Variants in ARFGEF3 observed in about 807,000 individuals in gnomAD.
ARFGEF3 encodes ARFGEF family member 3.
In ARFGEF3, 96 loss-of-function variants were observed where a neutral mutation model predicts 221.7. The ratio of observed to expected loss-of-function variants is 0.43; its 90% confidence interval spans 0.37 to 0.51. The LOEUF is 0.51. Ranked by LOEUF, ARFGEF3 falls within the 20% of genes least tolerant of loss-of-function variation. ARFGEF3 has a pLI of 0.00. For synonymous variants in ARFGEF3, 1,145 were observed against 1,126.8 expected (o/e 1.02, Z -0.32); for missense variants, 2,410 against 2,789.9 (o/e 0.86, Z 3.07).
rs540319497 is a variant in ARFGEF3 at position 138,278,501 on chromosome 6, A to T, written c.2179A>T (p.Met727Leu). ...CGGGAATAGCAGCCTCAGCTTCCAGATGCTGATGAACGCAGACAGCCTCTA... is the reference window on the plus strand; with the variant it reads ...CGGGAATAGCAGCCTCAGCTTCCAGTTGCTGATGAACGCAGACAGCCTCTA... ...FDGNSSLSFQ[M>L]LMNADSLYTA... The change falls in exon 13 of 34, where the codon ATG becomes TTG. Residue 727 changes from methionine to leucine, a missense_variant. By Grantham distance (15) the Met-to-Leu change is conservative (BLOSUM62 2). Transcript: ENST00000251691. 6.2e-7 allele frequency: 1 copy of T among 1,613,958 alleles called. No homozygotes were observed. The highest frequency in any genetic ancestry group is 1.1e-5 in the South Asian group (1 of 91,078).
Position 138,261,644 on chromosome 6 carries a change from G to T in ARFGEF3, c.1217+5G>T. The T allele has an allele frequency of 6.6e-7, 1 of 1,510,246 alleles. No homozygotes were observed. The highest frequency in any genetic ancestry group is 1.4e-5 in the African/African-American group (1 of 72,322). 93.6% of individuals were successfully genotyped at this position (1,510,246 alleles called of 1,614,324 possible). On this transcript the variant is annotated splice_donor_5th_base_variant and intron_variant, in intron 11 of 33. Coordinates refer to ENST00000251691, the MANE Select transcript of ARFGEF3 (RefSeq NM_020340.5). ...TCATCTGGATCTCCTCAAACTGTAT[G>T]ATGTTTATCCTTTTAAGTCTTTATT...
intron 26 of ARFGEF3, 123 bp from the exon 27 acceptor site, chr6:138,317,128 A>C: frequency 1.0e-6 from 1 of 985,836 alleles, no homozygotes; most frequent in Admixed American, 2.8e-5. Context: ...GGCTAACAAC[A>C]CTGGGTGATG....
At chr6:138,207,794 G>T (rs1777650674) in intron 3 of ARFGEF3, among the ~76,000 whole-genome samples, 2 of 152,278 alleles carry the variant, frequency 1.3e-5, no homozygotes, top group African/African-American at 4.8e-5. Flanking sequence ...TGTTCAGTGT[G>T]GCGATGGATA....
chr6:138,218,758 A>G (rs1416713900), intron 4 of ARFGEF3, among the ~76,000 whole-genome samples: 1 of 152,214 alleles, frequency 6.6e-6, no homozygotes, highest in African/African-American at 2.4e-5. Context: ...ATTTGAGATG[A>G]GGCTCTCATT....
intron 2 of ARFGEF3, among the ~76,000 whole-genome samples, chr6:138,196,016 A>G (rs201960973): frequency 1.7e-5 from 2 of 118,574 alleles, no homozygotes; most frequent in Non-Finnish European, 3.5e-5. Flanking sequence ...AAAAGAAAAG[A>G]AAAAAAAAGA....
intron 4 of ARFGEF3, among the ~76,000 whole-genome samples, chr6:138,212,393 A>T (rs1777746929): frequency 6.6e-6 from 1 of 152,230 alleles, no homozygotes; most frequent in South Asian, 2.1e-4. Flanking sequence ...AATGTAGAGA[A>T]ATAGGAACGC....
Position 138,342,569 on chromosome 6 carries a change from A to G in ARFGEF3, c.*6083A>G, listed in dbSNP as rs1400816358. 6.6e-6 allele frequency: 1 copy of G among 152,232 alleles called. No homozygotes were observed. The highest frequency in any genetic ancestry group is 1.5e-5 in the Non-Finnish European group (1 of 68,040). 9.4% of individuals were successfully genotyped at this position (152,232 alleles called of 1,614,324 possible). On this transcript the variant is annotated 3_prime_UTR_variant, in exon 34 of 34. Transcript: ENST00000251691. ...CTTTGTATTTAGAAACATTGATTCTATGGATGATCATTTGTATCATGTTGA... is the reference window on the plus strand; with the variant it reads ...CTTTGTATTTAGAAACATTGATTCTGTGGATGATCATTTGTATCATGTTGA...
Position 138,334,725 on chromosome 6 carries a change from C to T in ARFGEF3, c.5879C>T (p.Thr1960Ile), listed in dbSNP as rs770261712. 2.5e-6 allele frequency: 4 copies of T among 1,609,376 alleles called. No individual in the cohort carries two copies. The highest frequency in any genetic ancestry group is 3.4e-6 in the Non-Finnish European group (4 of 1,176,570). The change falls in exon 33 of 34, where the codon ACC becomes ATC. Residue 1960 changes from threonine (T) to isoleucine (I), a missense_variant. Thr to Ile is a moderately conservative substitution (Grantham distance 89). Coordinates refer to ENST00000251691, the MANE Select transcript of ARFGEF3 (RefSeq NM_020340.5). The surrounding 1 kb of genome is among the most constrained non-coding windows in gnomAD (Gnocchi z 5.1). ...PSTGGFSGKE[T>I]PSEDDRSQSR... ...ACCGGGGGCTTCTCTGGGAAAGAAACCCCTTCCGAGGATGACAGAAGCCAG... is the reference window on the plus strand; with the variant it reads ...ACCGGGGGCTTCTCTGGGAAAGAAATCCCTTCCGAGGATGACAGAAGCCAG...
At position 138,285,501 on chromosome 6, in the gene ARFGEF3, A is replaced by G. The variant is rs146638386; in HGVS notation, c.2462-445A>G. Among the ~76,000 whole-genome samples, 148 of 152,248 alleles carry G rather than the reference A, an allele frequency of 9.7e-4. 2 individuals are homozygous for G. Among genetic ancestry groups the G allele is most frequent in the African/African-American group, 3.5e-3 (144 of 41,556 alleles). ...TAAGGTATTATTTATTGCACTTTGCAATCTGACTATGTGATGATCTGACCA... is the reference window on the plus strand; with the variant it reads ...TAAGGTATTATTTATTGCACTTTGCGATCTGACTATGTGATGATCTGACCA... On this transcript the variant is annotated intron_variant, in intron 14 of 33. Transcript: ENST00000251691.
chr6:138,219,542 G>A (rs1459753753), intron 4 of ARFGEF3, among the ~76,000 whole-genome samples: 1 of 152,186 alleles, frequency 6.6e-6, no homozygotes, highest in East Asian at 1.9e-4. Flanking sequence ...GCAGTAGGAA[G>A]GGGCCACCTG....
At chr6:138,311,282 CT>C (rs1323009096) in intron 24 of ARFGEF3, 124 bp from the exon 25 acceptor site, 18 of 627,528 alleles carry the variant, frequency 2.9e-5, no homozygotes, top group Non-Finnish European at 4.2e-5. Flanking sequence ...CATTTTTCTC[CT>C]TTTCTCCCAC....
chr6:138,257,767 C>T (rs1778712713), intron 10 of ARFGEF3, among the ~76,000 whole-genome samples: 1 of 152,148 alleles, frequency 6.6e-6, no homozygotes, highest in South Asian at 2.1e-4. Flanking sequence ...CCTCTCTCTA[C>T]CACACACTGG....
chr6:138,229,949 A>G (rs1375750637), intron 5 of ARFGEF3, 97 bp downstream of exon 5: 5 of 987,882 alleles, frequency 5.1e-6, no homozygotes, highest in Non-Finnish European at 7.9e-6. Context: ...ACTGGAGTGA[A>G]TCCTTCTCTG....
rs1195160962 is a variant in ARFGEF3 at position 138,289,896 on chromosome 6, G to A, written c.2975G>A (p.Cys992Tyr). 1 of 1,613,892 alleles carries A rather than the reference G, an allele frequency of 6.2e-7. No individual in the cohort carries two copies. The highest frequency in any genetic ancestry group is 8.5e-7 in the Non-Finnish European group (1 of 1,179,884). Residue 992 changes from cysteine (C) to tyrosine (Y), a missense_variant, in exon 18 of 34, where the codon TGC (cysteine) becomes TAC (tyrosine). Cys to Tyr is a radical substitution (Grantham distance 194). This residue lies in a region of ARFGEF3 where 594 missense variants were observed against 734.3 expected (regional missense o/e 0.81). Transcript: ENST00000251691. ...GVWLHTAHVL[C>Y]MEAILSVGLE... ...TGGCTGCACACTGCCCACGTCTTGT[G>A]CATGGAGGCCATCCTCAGCGTAGGC... is the stretch of plus-strand genomic sequence containing the variant.
At chr6:138,191,236 T>C (rs1777298700) in intron 2 of ARFGEF3, among the ~76,000 whole-genome samples, 1 of 152,088 alleles carries the variant, frequency 6.6e-6, no homozygotes, top group African/African-American at 2.4e-5. Context: ...AGTAGTTAGG[T>C]GACGTGGGAC....
chr6:138,263,661 T>C (rs771320281), intron 12 of ARFGEF3, 50 bp downstream of exon 12: 1 of 1,483,714 alleles, frequency 6.7e-7, no homozygotes, highest in Non-Finnish European at 9.0e-7. Context: ...TTCAGAGCAG[T>C]TTGCCTTAAT....
intron 12 of ARFGEF3, among the ~76,000 whole-genome samples, chr6:138,272,874 C>T (rs1335909233): frequency 6.6e-6 from 1 of 152,194 alleles, no homozygotes; most frequent in Non-Finnish European, 1.5e-5. Flanking sequence ...ACTTAATATA[C>T]TTATTCTGCT....
intron 12 of ARFGEF3, among the ~76,000 whole-genome samples, chr6:138,274,462 G>A (rs908234295): frequency 7.2e-5 from 11 of 152,172 alleles, no homozygotes; most frequent in African/African-American, 2.2e-4. Flanking sequence ...AACCAAGGAT[G>A]TAGTTTTCAG....
At chr6:138,281,727 T>C (rs1455573465) in intron 14 of ARFGEF3, among the ~76,000 whole-genome samples, 1 of 152,246 alleles carries the variant, frequency 6.6e-6, no homozygotes, top group Admixed American at 6.5e-5. Context: ...CTATTAGAAA[T>C]TTCACATGAG....
Sources: gnomAD v4.1 joint callset for allele counts (sites outside exome capture counted in the v4.1 genomes callset) on GRCh38, gnomAD v4.1.1 for gene constraint, gnomAD v4.1.1 regional missense constraint, Gnocchi (gnomAD v3.1) non-coding constraint, MANE v1.5 for transcripts, NCBI Gene and HGNC (gene_info 2026-07-23, HGNC 2026-07-21) for gene names.